NOS1AP: variants seen among roughly 807,000 people sequenced by gnomAD.
NOS1AP encodes the protein carboxyl-terminal PDZ ligand of neuronal nitric oxide synthase protein.
A neutral mutation model predicts 56.2 loss-of-function variants in NOS1AP; 21 were observed. The ratio of observed to expected loss-of-function variants is 0.37; its 90% confidence interval spans 0.26 to 0.54. NOS1AP has a LOEUF of 0.54. Ranked by LOEUF, NOS1AP falls within the 20% of genes least tolerant of loss-of-function variation. The pLI is 0.84. For synonymous variants in NOS1AP, 270 were observed against 274.6 expected (o/e 0.98, Z 0.17); for missense variants, 522 against 657.8 (o/e 0.79, Z 2.26).
At chr1:162,258,193 C>T (rs1654094718) in intron 2 of NOS1AP, among the ~76,000 whole-genome samples, 2 of 152,238 alleles carry the variant, frequency 1.3e-5, no homozygotes, top group South Asian at 4.1e-4. Flanking sequence ...ACCCTAGTCA[C>T]CCTTTCATTT....
At chr1:162,310,560 C>G (rs956104787) in intron 4 of NOS1AP, among the ~76,000 whole-genome samples, 3 of 152,216 alleles carry the variant, frequency 2.0e-5, no homozygotes, top group African/African-American at 7.2e-5. Context: ...CCTCCGGCTT[C>G]AAAACCTTTC....
chr1:162,302,736 A>G (rs1428442317), intron 4 of NOS1AP, among the ~76,000 whole-genome samples: 1 of 152,180 alleles, frequency 6.6e-6, no homozygotes, highest in East Asian at 1.9e-4. Flanking sequence ...CTCAGTCAAG[A>G]TGGTGAACAT....
intron 2 of NOS1AP, among the ~76,000 whole-genome samples, chr1:162,280,983 G>T (rs1445022833): frequency 6.6e-6 from 1 of 152,182 alleles, no homozygotes; most frequent in East Asian, 1.9e-4. Context: ...CCAAGATTCT[G>T]GTTCCATAGG....
At chr1:162,119,258 A>C (rs1258163521) in intron 1 of NOS1AP, among the ~76,000 whole-genome samples, 2 of 152,152 alleles carry the variant, frequency 1.3e-5, no homozygotes, top group Non-Finnish European at 2.9e-5. Flanking sequence ...AAGTCTCTCC[A>C]GGCATTCTAG....
intron 1 of NOS1AP, among the ~76,000 whole-genome samples, chr1:162,105,686 G>A (rs973666933): frequency 3.9e-5 from 6 of 152,214 alleles, no homozygotes; most frequent in African/African-American, 1.2e-4. Flanking sequence ...GTCTGGCCAC[G>A]ATCTGGCAAG....
At chr1:162,122,828 G>A (rs530618737) in intron 1 of NOS1AP, among the ~76,000 whole-genome samples, 1 of 152,082 alleles carries the variant, frequency 6.6e-6, no homozygotes, top group East Asian at 1.9e-4. Flanking sequence ...TACAACTGAC[G>A]TTACAGGATT....
chr1:162,302,464 A>G (rs1468920919), intron 4 of NOS1AP, among the ~76,000 whole-genome samples: 1 of 152,208 alleles, frequency 6.6e-6, no homozygotes, highest in Non-Finnish European at 1.5e-5. Context: ...GCAGGCACCT[A>G]TGATATGCAT....
intron 2 of NOS1AP, among the ~76,000 whole-genome samples, chr1:162,181,631 G>A (rs910840096): frequency 2.0e-5 from 3 of 152,178 alleles, no homozygotes; most frequent in African/African-American, 7.2e-5. Flanking sequence ...GTTATCAAGG[G>A]CCTTTTGAAT....
At chr1:162,237,865 C>T (rs1274805650) in intron 2 of NOS1AP, among the ~76,000 whole-genome samples, 1 of 66,536 alleles carries the variant, frequency 1.5e-5, no homozygotes, top group Non-Finnish European at 4.6e-5. Context: ...AAATGGAAGT[C>T]ATTTTCAGAG....
At chr1:162,337,168 T>G (rs2101799840) in intron 5 of NOS1AP, among the ~76,000 whole-genome samples, 1 of 152,352 alleles carries the variant, frequency 6.6e-6, no homozygotes, top group Non-Finnish European at 1.5e-5. Flanking sequence ...ACTGCACTTA[T>G]TAATGCATCA....
chr1:162,270,006 G>C (rs1654537091), intron 2 of NOS1AP, among the ~76,000 whole-genome samples: 1 of 152,118 alleles, frequency 6.6e-6, no homozygotes, highest in Non-Finnish European at 1.5e-5. Context: ...ATGAGACTAT[G>C]ACTATTATTT....
chr1:162,266,290 G>A (rs1571175031), intron 2 of NOS1AP, among the ~76,000 whole-genome samples: 2 of 152,102 alleles, frequency 1.3e-5, no homozygotes, highest in Non-Finnish European at 2.9e-5. Context: ...CTGGCCTCAA[G>A]GATTTCCATC....
At chr1:162,343,384 A>G (rs1287448895) in intron 5 of NOS1AP, among the ~76,000 whole-genome samples, 3 of 152,184 alleles carry the variant, frequency 2.0e-5, no homozygotes, top group East Asian at 1.9e-4. Context: ...TGTTTAGGCC[A>G]TGGCTTCCAA....
intron 4 of NOS1AP, among the ~76,000 whole-genome samples, chr1:162,332,585 G>A (rs1474082826): frequency 6.6e-6 from 1 of 152,146 alleles, no homozygotes; most frequent in Non-Finnish European, 1.5e-5. Flanking sequence ...CCCTCCCAAT[G>A]TGGTAAACAT....
chr1:162,073,424 A>G (rs1691701252), intron 1 of NOS1AP, among the ~76,000 whole-genome samples: 1 of 152,206 alleles, frequency 6.6e-6, no homozygotes, highest in South Asian at 2.1e-4. Context: ...GCTGGCCTCT[A>G]GAACTCTGGT....
At chr1:162,178,597 A>AG (rs1651145933) in intron 2 of NOS1AP, among the ~76,000 whole-genome samples, 1 of 152,132 alleles carries the variant, frequency 6.6e-6, no homozygotes, top group Admixed American at 6.6e-5. Flanking sequence ...TGGCACTTAC[A>AG]CTCATCCCTC....
chr1:162,220,459 A>T (rs1009329941), intron 2 of NOS1AP, among the ~76,000 whole-genome samples: 1 of 152,166 alleles, frequency 6.6e-6, no homozygotes, highest in Non-Finnish European at 1.5e-5. Flanking sequence ...ATGCCTCCAC[A>T]TGGCCCAGCC....
At chr1:162,118,273 G>A (rs562758975) in intron 1 of NOS1AP, among the ~76,000 whole-genome samples, 1 of 152,182 alleles carries the variant, frequency 6.6e-6, no homozygotes, top group East Asian at 1.9e-4. Context: ...GCATCTAGTG[G>A]TCCCCAGTGT....
chr1:162,320,194 G>A (rs1318296059), intron 4 of NOS1AP, among the ~76,000 whole-genome samples: 4 of 152,134 alleles, frequency 2.6e-5, no homozygotes, highest in African/African-American at 9.7e-5. Flanking sequence ...GAGAGGTCAT[G>A]CTGGACCACC....
Sources: allele counts gnomAD v4.1 joint callset (sites outside exome capture counted in the v4.1 genomes callset), GRCh38; gene constraint gnomAD v4.1.1; transcripts MANE v1.5; gene names NCBI Gene and HGNC (gene_info 2026-07-23, HGNC 2026-07-21).